The following GLIS3 variants were observed in gnomAD, a reference collection of about 807,000 sequenced individuals.
The protein encoded by GLIS3 is zinc finger protein GLIS3.
A neutral mutation model predicts 78.6 loss-of-function variants in GLIS3; 53 were observed. That is an observed-to-expected ratio of 0.67 (90% confidence interval 0.54 to 0.85). GLIS3 has a LOEUF of 0.85. Among genes scored for constraint, GLIS3 ranks in the 40% least tolerant of loss-of-function variants. The pLI, the probability that GLIS3 is intolerant of heterozygous loss-of-function variation, is 0.00. For missense variants in GLIS3, 1,703 were observed against 1,231.1 expected (o/e 1.38, Z -5.74); for synonymous variants, 684 against 509.9 (o/e 1.34, Z -4.60).
chr9:3,836,495 C>T (rs916008015), intron 9 of GLIS3, among the ~76,000 whole-genome samples: 5 of 152,202 alleles, frequency 3.3e-5, no homozygotes, highest in African/African-American at 1.2e-4. Context: ...ACAGAAGATG[C>T]ATGACCCCAC....
rs16920705 is a variant in GLIS3, at chr9:4,120,848, T to C, written c.597-1967A>G. On this transcript the variant is annotated intron_variant, in intron 3 of 10. Transcript: ENST00000381971. ...CAGACAGAAGTATGTTATCCACCTA[T>C]ATATACTTTGCTTATAAAATTGTAT... Among the ~76,000 whole-genome samples, 646 of 152,346 alleles carry C rather than the reference T, an allele frequency of 4.2e-3. 6 individuals carry two copies. Among genetic ancestry groups the C allele is most frequent in the African/African-American group, 0.015 (614 of 41,576 alleles).
intron 4 of GLIS3, among the ~76,000 whole-genome samples, chr9:4,306,859 A>C (rs1817238913): frequency 6.6e-6 from 1 of 152,238 alleles, no homozygotes; most frequent in Non-Finnish European, 1.5e-5. Flanking sequence ...AAGCAACAGA[A>C]GTAGAGAGTC....
the GLIS3 span, among the ~76,000 whole-genome samples, chr9:4,440,801 C>G: frequency 6.6e-6 from 1 of 152,078 alleles, no homozygotes; most frequent in African/African-American, 2.4e-5. Flanking sequence ...CACAGGATAT[C>G]TTTTCATTTA....
intron 2 of GLIS3, among the ~76,000 whole-genome samples, chr9:4,187,737 T>C (rs1490936688): frequency 2.0e-5 from 3 of 152,194 alleles, no homozygotes; most frequent in African/African-American, 7.2e-5. Context: ...GATTCCTAGG[T>C]ATTTTATTCT....
intron 2 of GLIS3, among the ~76,000 whole-genome samples, chr9:4,343,125 G>A (rs1817858005): frequency 6.6e-6 from 1 of 152,118 alleles, no homozygotes; most frequent in Non-Finnish European, 1.5e-5. Context: ...GATCACTTGA[G>A]CCCATGAATT....
the GLIS3 span, among the ~76,000 whole-genome samples, chr9:4,385,794 AAAGAAAG>A: frequency 1.3e-5 from 1 of 76,974 alleles, no homozygotes; most frequent in African/African-American, 7.5e-5. Context: ...AGAAAGAAAG[AAAGAAAG>A]AAAGAAAGAA....
chr9:4,370,183 CAAAAAAA>C, the GLIS3 span, among the ~76,000 whole-genome samples: 17 of 88,380 alleles, frequency 1.9e-4, no homozygotes, highest in East Asian at 4.8e-3. Context: ...GACTCCATCT[CAAAAAAA>C]AAAAAAAAAA....
chr9:4,339,030 C>G lies in GLIS3; in HGVS notation n.264+8051G>C, dbSNP rs1004058403. Among the ~76,000 whole-genome samples, 3 of 152,176 alleles carry G rather than the reference C, an allele frequency of 2.0e-5. No individual in the cohort carries two copies. The South Asian group carries it at 6.2e-4, about 32-fold the overall frequency. ...GTTGAAAAGCGGCATTTCAAGGACC[C>G]TCCTGGTGAGTTCATGAAGCAAAAT... On this transcript the variant is annotated intron_variant and non_coding_transcript_variant, in intron 2 of 4. Transcript: ENST00000471664.
chr9:4,405,244 C>T, the GLIS3 span, among the ~76,000 whole-genome samples: 1 of 152,018 alleles, frequency 6.6e-6, no homozygotes, highest in African/African-American at 2.4e-5. Flanking sequence ...ATCCCAGCTA[C>T]TCAGGAGGCT....
At chr9:4,082,846 T>G (rs116428632) in intron 4 of GLIS3, among the ~76,000 whole-genome samples, 174 of 152,318 alleles carry the variant, frequency 1.1e-3, no homozygotes, top group African/African-American at 4.0e-3. Context: ...GAAACAGACT[T>G]AAGATGGAGT....
chr9:4,470,506 C>T, the GLIS3 span, among the ~76,000 whole-genome samples: 2 of 152,186 alleles, frequency 1.3e-5, no homozygotes, highest in Admixed American at 6.5e-5. Flanking sequence ...ACAAAAGCCA[C>T]ATGATTATCT....
the GLIS3 span, among the ~76,000 whole-genome samples, chr9:4,428,483 CAAAAAAAAAAA>C: frequency 6.2e-5 from 3 of 48,470 alleles, no homozygotes; most frequent in African/African-American, 2.6e-4. Context: ...GACTCTGTCT[CAAAAAAAAAAA>C]AAAAAAAAAA....
chr9:4,140,508 A>C (rs1222077491), intron 2 of GLIS3, among the ~76,000 whole-genome samples: 3 of 152,208 alleles, frequency 2.0e-5, no homozygotes, highest in Non-Finnish European at 4.4e-5. Context: ...AGAGGGAAGG[A>C]AAATAGTAAT....
intron 4 of GLIS3, among the ~76,000 whole-genome samples, chr9:4,059,294 CT>C (rs1826422805): frequency 6.6e-6 from 1 of 151,884 alleles, no homozygotes; most frequent in African/African-American, 2.4e-5. Flanking sequence ...CAGGAGGCTG[CT>C]TTTTAAGTCA....
chr9:4,207,684 G>GA (rs1297570304), intron 2 of GLIS3, among the ~76,000 whole-genome samples: 1 of 151,702 alleles, frequency 6.6e-6, no homozygotes, highest in Non-Finnish European at 1.5e-5. Flanking sequence ...TCGCAGATGA[G>GA]AAAAAAGCAG....
intron 4 of GLIS3, among the ~76,000 whole-genome samples, chr9:4,098,122 G>A (rs759307679): frequency 5.9e-5 from 9 of 152,158 alleles, no homozygotes; most frequent in Non-Finnish European, 1.3e-4. Context: ...TGAGAGATAT[G>A]AAAATAAAAA....
chr9:3,922,096 G>T (rs1824929433), intron 6 of GLIS3, among the ~76,000 whole-genome samples: 1 of 152,196 alleles, frequency 6.6e-6, no homozygotes, highest in Non-Finnish European at 1.5e-5. Flanking sequence ...TATGTACTAA[G>T]ATCTATATAC....
At chr9:4,310,886 A>T (rs1408942734) in intron 2 of GLIS3, among the ~76,000 whole-genome samples, 3 of 152,202 alleles carry the variant, frequency 2.0e-5, no homozygotes, top group Non-Finnish European at 2.9e-5. Flanking sequence ...ATTTTAGGGC[A>T]TCTAAATCAC....
intron 7 of GLIS3, among the ~76,000 whole-genome samples, chr9:3,894,450 A>G (rs1003338280): frequency 4.6e-5 from 7 of 152,138 alleles, no homozygotes; most frequent in Non-Finnish European, 8.8e-5. Flanking sequence ...AATATACTCA[A>G]TTTAAGAATG....
Sources: allele counts gnomAD v4.1 joint callset (sites outside exome capture counted in the v4.1 genomes callset), GRCh38; gene constraint gnomAD v4.1.1; transcripts MANE v1.5; gene names NCBI Gene and HGNC (gene_info 2026-07-23, HGNC 2026-07-21).